REXO5: variants seen among roughly 807,000 people sequenced by gnomAD.
REXO5 encodes the protein RNA exonuclease 5.
A neutral mutation model predicts 88.5 loss-of-function variants in REXO5; 48 were observed. The observed-to-expected ratio is 0.54, with a 90% CI of 0.43 to 0.69. The LOEUF (loss-of-function observed/expected upper bound fraction) is 0.69. Among genes scored for constraint, REXO5 ranks in the 30% least tolerant of loss-of-function variants. REXO5 has a pLI of 0.00. For synonymous variants in REXO5, 311 were observed against 336.5 expected (o/e 0.92, Z 0.83); for missense variants, 749 against 912.2 (o/e 0.82, Z 2.30).
Position 20,806,599 on chromosome 16 carries a change from C to G in REXO5, c.-109C>G. ...CGTCTTCTCTTCTGCGTTTCCCGGG[C>G]TAGGGGGCGTGGGGAGTGGTTTTAG... On this transcript the variant is annotated 5_prime_UTR_variant, in exon 1 of 20. Transcript: ENST00000261377. 2 of 1,433,458 alleles carry G rather than the reference C, an allele frequency of 1.4e-6. No individual in the cohort carries two copies. The highest frequency in any genetic ancestry group is 2.8e-5 in the South Asian group (2 of 70,440). The allele number at this position is 1,433,458 out of a possible 1,614,324, so 88.8% of individuals were successfully genotyped here.
chr16:20,839,237 G>C lies in REXO5; in HGVS notation c.1384-518G>C, dbSNP rs565783988. The stretch of plus-strand genomic sequence containing the variant: ...TCTCCAGAAGCATGGCTTCTCTGAG[G>C]CTGCCAAGCCTCTTGCTTGTAGTCA... On this transcript the variant is annotated intron_variant, in intron 13 of 19. Coordinates refer to ENST00000261377, the MANE Select transcript of REXO5 (RefSeq NM_030941.3). Among the ~76,000 whole-genome samples, 3 of 152,312 alleles carry C rather than the reference G, an allele frequency of 2.0e-5. No homozygotes were observed. In the East Asian group the frequency reaches 5.8e-4, roughly 29 times the overall value.
chr16:20,821,347 C>T (rs932323270), intron 5 of REXO5, among the ~76,000 whole-genome samples: 2 of 152,098 alleles, frequency 1.3e-5, no homozygotes, highest in Non-Finnish European at 2.9e-5. Flanking sequence ...AGTGCAGTGG[C>T]GCGATCTCGG....
At chr16:20,839,069 G>A (rs2081483995) in intron 13 of REXO5, among the ~76,000 whole-genome samples, 1 of 152,320 alleles carries the variant, frequency 6.6e-6, no homozygotes, top group East Asian at 1.9e-4. Flanking sequence ...AGAGGCTGAA[G>A]TGAAGCTTCC....
At chr16:20,816,235 A>G (rs1240777692) in intron 5 of REXO5, 23 bp downstream of exon 5, 1 of 1,562,094 alleles carries the variant, frequency 6.4e-7, no homozygotes, top group Non-Finnish European at 8.8e-7. Context: ...TGCTGGTTTG[A>G]TGCTTTGCTC....
intron 2 of REXO5, 63 bp from the exon 3 acceptor site, chr16:20,813,127 C>CT: frequency 9.3e-7 from 1 of 1,079,126 alleles, no homozygotes; most frequent in East Asian, 2.4e-5. Context: ...AATAATTTAA[C>CT]TTGCTTTGTT....
At chr16:20,848,369 C>T (rs2081642972) in intron 19 of REXO5, among the ~76,000 whole-genome samples, 1 of 152,092 alleles carries the variant, frequency 6.6e-6, no homozygotes. Flanking sequence ...TGTATTAAAC[C>T]CAGGTACTGT....
In REXO5 at chr16:20,832,527, G is replaced by A. The variant is rs56965403; in HGVS notation, c.1262+268G>A. Among the ~76,000 whole-genome samples, 585 of 151,088 alleles carry A rather than the reference G, an allele frequency of 3.9e-3. 4 individuals are homozygous for A. Among genetic ancestry groups the A allele is most frequent in the African/African-American group, 0.013 (556 of 41,258 alleles). On this transcript the variant is annotated intron_variant, in intron 12 of 19. Transcript: ENST00000261377. Reference sequence around the variant, plus strand: ...AAAAAAGAAAAAATAATTGGAATACGTTGAACCTAGGTAGCACTGGGAAAG... The same window carrying A: ...AAAAAAGAAAAAATAATTGGAATACATTGAACCTAGGTAGCACTGGGAAAG...
chr16:20,825,726 C>T, intron 7 of REXO5, 107 bp from the exon 8 acceptor site: 1 of 739,902 alleles, frequency 1.4e-6, no homozygotes, highest in Non-Finnish European at 2.2e-6. Flanking sequence ...GCCATTGCTG[C>T]AGGGACCCTG....
At chr16:20,824,932 C>T (rs2081238454) in intron 7 of REXO5, among the ~76,000 whole-genome samples, 1 of 152,012 alleles carries the variant, frequency 6.6e-6, no homozygotes, top group African/African-American at 2.4e-5. Flanking sequence ...TCGCTTGAAC[C>T]CAGTAGGCAG....
At chr16:20,806,806 G>C (rs1351286689) in intron 1 of REXO5, 101 bp downstream of exon 1, 1 of 1,290,938 alleles carries the variant, frequency 7.7e-7, no homozygotes, top group African/African-American at 1.6e-5. Flanking sequence ...TTAGGGGAAC[G>C]GGGATAGTTC....
At chr16:20,815,570 T>G (rs979743732) in intron 4 of REXO5, among the ~76,000 whole-genome samples, 1 of 152,178 alleles carries the variant, frequency 6.6e-6, no homozygotes, top group Non-Finnish European at 1.5e-5. Context: ...TATTGAGCAC[T>G]TCCTGTGTAT....
Position 20,821,752 on chromosome 16 carries a change from T to C in REXO5, c.476-10T>C. The C allele has an allele frequency of 6.4e-7, 1 of 1,564,360 alleles. No individual in the cohort carries two copies. The highest frequency in any genetic ancestry group is 8.6e-7 in the Non-Finnish European group (1 of 1,162,722). On this transcript the variant is annotated splice_polypyrimidine_tract_variant and intron_variant, in intron 5 of 19. Coordinates refer to ENST00000261377, the MANE Select transcript of REXO5 (RefSeq NM_030941.3). The stretch of plus-strand genomic sequence containing the variant: ...ACATTCTAATATACGTTCAATTGTT[T>C]TTCTTTCAGGGCCTTTACCTTCTAA...
intron 2 of REXO5, 153 bp downstream of exon 2, chr16:20,807,244 A>G: frequency 1.2e-6 from 1 of 844,116 alleles, no homozygotes; most frequent in Non-Finnish European, 1.8e-6. Context: ...AATGAGTGTA[A>G]TACCACCTTC....
chr16:20,834,490 G>A (rs562535125), intron 13 of REXO5, among the ~76,000 whole-genome samples: 2 of 152,076 alleles, frequency 1.3e-5, no homozygotes, highest in Admixed American at 6.5e-5. Flanking sequence ...CAATTTGCGG[G>A]TTTATCATTT....
Position 20,844,633 on chromosome 16 carries a change from A to G in REXO5, c.1724A>G (p.Gln575Arg), listed in dbSNP as rs757514597. ...ACACCAACTTTCCTTGGTTAGGTGC[A>G]GAGGCCTGTGACAGAGCTCACGCTT... is the stretch of plus-strand genomic sequence containing the variant. ...ILVDGICIKV[Q>R]RPVTELTLDC... Residue 575 changes from glutamine to arginine, a missense_variant, in exon 17 of 20, where the codon CAG (glutamine) becomes CGG (arginine). Transcript: ENST00000261377. The G allele has an allele frequency of 8.1e-6, 13 of 1,614,130 alleles. No individual in the cohort carries two copies. Among genetic ancestry groups the G allele is most frequent in the Non-Finnish European group, 1.0e-5 (12 of 1,180,006 alleles).
intron 15 of REXO5, among the ~76,000 whole-genome samples, chr16:20,842,637 G>A (rs1337996469): frequency 1.3e-5 from 2 of 151,846 alleles, no homozygotes; most frequent in African/African-American, 4.8e-5. Flanking sequence ...CTAATTTTTT[G>A]TAAGACAGGG....
chr16:20,844,149 A>G, intron 16 of REXO5, 123 bp downstream of exon 16: 2 of 638,232 alleles, frequency 3.1e-6, no homozygotes, highest in Non-Finnish European at 5.6e-6. Context: ...TGTTATGGAA[A>G]GTCTTCAGCC....
chr16:20,810,472 A>G (rs2152499303), intron 2 of REXO5, among the ~76,000 whole-genome samples: 1 of 151,156 alleles, frequency 6.6e-6, no homozygotes, highest in South Asian at 2.1e-4. Flanking sequence ...CAGTGGCATG[A>G]TCTCTGCTCA....
intron 9 of REXO5, 67 bp from the exon 10 acceptor site, chr16:20,827,286 C>T (rs1001208675): frequency 1.3e-6 from 2 of 1,597,238 alleles, no homozygotes; most frequent in African/African-American, 2.7e-5. Flanking sequence ...TCTCTCCCAC[C>T]CTGCTAGCCC....
Sources: allele counts gnomAD v4.1 joint callset (sites outside exome capture counted in the v4.1 genomes callset), GRCh38; gene constraint gnomAD v4.1.1; transcripts MANE v1.5; gene names NCBI Gene and HGNC (gene_info 2026-07-23, HGNC 2026-07-21).